Variants in STK26 observed in about 807,000 individuals in gnomAD.
The protein encoded by STK26 is serine/threonine kinase 26.
Under a neutral mutation model 34.7 loss-of-function variants are expected in STK26, and 14 were observed. That is an observed-to-expected ratio of 0.40 (90% CI 0.27 to 0.63). The LOEUF (loss-of-function observed/expected upper bound fraction) is 0.63, where lower values mean the gene tolerates loss of function less well. STK26 is among the 30% of genes least tolerant of loss of function. The pLI, the probability that STK26 is intolerant of heterozygous loss-of-function variation, is 0.38. For missense variants in STK26, 226 were observed against 309.1 expected, an observed-to-expected ratio of 0.73 and a Z score of 2.02; for synonymous variants, 100 against 109.8, an observed-to-expected ratio of 0.91 and a Z score of 0.56.
chrX:132,063,315 C>G, intron 3 of STK26, 118 bp from the exon 4 acceptor site: 1 of 642,492 alleles, frequency 1.6e-6, no homozygotes, highest in Non-Finnish European at 2.4e-6. Flanking sequence ...TTAGCTCCCA[C>G]AAATAAATGA....
chrX:132,027,603 G>A (rs968990559), intron 2 of STK26, among the ~76,000 whole-genome samples: 1 of 111,282 alleles, frequency 9.0e-6, no homozygotes, highest in Admixed American at 9.5e-5. Context: ...AAGTCATTTG[G>A]GCTGTCATAG....
intron 2 of STK26, among the ~76,000 whole-genome samples, chrX:132,051,603 T>G (rs1926692132): frequency 9.0e-6 from 1 of 111,699 alleles, no homozygotes; most frequent in Non-Finnish European, 1.9e-5. Context: ...TTTCAGTATT[T>G]TTTTATTATT....
At chrX:132,065,923 G>A (rs985442532) in intron 4 of STK26, among the ~76,000 whole-genome samples, 2 of 111,803 alleles carry the variant, frequency 1.8e-5, no homozygotes, top group Admixed American at 1.9e-4. Flanking sequence ...CCTTTTTCAT[G>A]TATATTCCTG....
intron 2 of STK26, among the ~76,000 whole-genome samples, chrX:132,035,102 A>T (rs1925994869): frequency 9.0e-6 from 1 of 111,209 alleles, no homozygotes; most frequent in African/African-American, 3.3e-5. Context: ...AGTGCTGGTC[A>T]CATATCCAAG....
intron 2 of STK26, among the ~76,000 whole-genome samples, chrX:132,036,216 AC>A (rs777420357): frequency 8.9e-6 from 1 of 112,586 alleles, no homozygotes; most frequent in East Asian, 2.8e-4. Context: ...AAATGAACAC[AC>A]AACCAACAAA....
At chrX:132,048,698 A>G (rs1926582616) in intron 2 of STK26, among the ~76,000 whole-genome samples, 1 of 111,792 alleles carries the variant, frequency 8.9e-6, no homozygotes, top group Admixed American at 9.5e-5. Flanking sequence ...TACCATTTTA[A>G]CATAAATGGC....
chrX:132,027,965 C>T (rs1472449677), intron 2 of STK26, among the ~76,000 whole-genome samples: 2 of 108,704 alleles, frequency 1.8e-5, no homozygotes, highest in Non-Finnish European at 3.8e-5. Context: ...AAGCAATCCA[C>T]CCATCTCAGC....
chrX:132,030,313 C>T (rs983450196), intron 2 of STK26, among the ~76,000 whole-genome samples: 1 of 110,245 alleles, frequency 9.1e-6, no homozygotes, highest in Non-Finnish European at 1.9e-5. Context: ...CATCTCTTCT[C>T]CTTTTCTCCT....
intron 2 of STK26, among the ~76,000 whole-genome samples, chrX:132,046,043 C>T (rs903348900): frequency 4.5e-5 from 5 of 111,902 alleles, no homozygotes; most frequent in Admixed American, 9.5e-5. Context: ...AATTTATTCT[C>T]GTTCTTTCCA....
At chrX:132,036,519 T>A (rs1315228816) in intron 2 of STK26, among the ~76,000 whole-genome samples, 1 of 111,688 alleles carries the variant, frequency 9.0e-6, no homozygotes, top group African/African-American at 3.3e-5. Flanking sequence ...CACTTGAACC[T>A]GGGAGGCGGA....
chrX:132,057,119 G>A (rs1926887062), intron 3 of STK26, among the ~76,000 whole-genome samples: 1 of 112,479 alleles, frequency 8.9e-6, no homozygotes, highest in African/African-American at 3.2e-5. Flanking sequence ...TGGGTCTGGA[G>A]TGTGGGCACT....
At chrX:132,069,412 T>TAA (rs2124192112) in intron 6 of STK26, 66 bp from the exon 7 acceptor site, 1 of 7,965 alleles carries the variant, frequency 1.3e-4, no homozygotes, top group South Asian at 4.0e-3. Flanking sequence ...TACATACACA[T>TAA]ATATATATAT....
intron 2 of STK26, among the ~76,000 whole-genome samples, chrX:132,025,108 T>C (rs759272160): frequency 9.0e-6 from 1 of 111,640 alleles, no homozygotes; most frequent in South Asian, 3.7e-4. Flanking sequence ...GTTCTGCCTT[T>C]GATTGTATCA....
chrX:132,066,748 C>T (rs1324515498), intron 4 of STK26, among the ~76,000 whole-genome samples: 1 of 111,997 alleles, frequency 8.9e-6, no homozygotes, highest in African/African-American at 3.2e-5. Context: ...AGGTAATATA[C>T]TGGCTTATTT....
At chrX:132,059,399 A>T (rs990545298) in intron 3 of STK26, among the ~76,000 whole-genome samples, 2 of 112,304 alleles carry the variant, frequency 1.8e-5, no homozygotes, top group Admixed American at 1.9e-4. Context: ...GATTTCCTTG[A>T]GACATGCAAA....
chrX:132,029,082 G>C (rs62619090), intron 2 of STK26, among the ~76,000 whole-genome samples: 36 of 110,979 alleles, frequency 3.2e-4, no homozygotes, highest in African/African-American at 1.2e-3. Context: ...TTGACACTAG[G>C]GGAGTAGGGA....
intron 4 of STK26, among the ~76,000 whole-genome samples, chrX:132,064,033 ACTTT>A (rs1223814907): frequency 9.0e-6 from 1 of 111,338 alleles, no homozygotes; most frequent in Non-Finnish European, 1.9e-5. Context: ...GAGCTCTCTG[ACTTT>A]CTTTCCACCA....
At chrX:132,038,479 T>C (rs942457103) in intron 2 of STK26, among the ~76,000 whole-genome samples, 4 of 111,915 alleles carry the variant, frequency 3.6e-5, no homozygotes, top group Middle Eastern at 4.2e-3. Flanking sequence ...TGATTACAGC[T>C]GCTTTTCTAT....
At chrX:132,051,743 C>A (rs1004021892) in intron 2 of STK26, among the ~76,000 whole-genome samples, 4 of 110,309 alleles carry the variant, frequency 3.6e-5, no homozygotes, top group African/African-American at 1.3e-4. Flanking sequence ...ACTATCCCCC[C>A]CAAGCCCCCA....
Sources: gnomAD v4.1 joint callset for allele counts (sites outside exome capture counted in the v4.1 genomes callset) on GRCh38, gnomAD v4.1.1 for gene constraint, MANE v1.5 for transcripts, NCBI Gene and HGNC (gene_info 2026-07-23, HGNC 2026-07-21) for gene names.